P3H1: variants seen among roughly 807,000 people sequenced by gnomAD.
The protein encoded by P3H1 is prolyl 3-hydroxylase 1.
In P3H1, 69 loss-of-function variants were observed where a neutral mutation model predicts 84.0. The ratio of observed to expected loss-of-function variants is 0.82; its 90% CI spans 0.68 to 1.00. The LOEUF (loss-of-function observed/expected upper bound fraction) is 1.00, where lower values mean the gene tolerates loss of function less well. P3H1 is among the 50% of genes least tolerant of loss of function. P3H1 has a pLI of 0.00. For missense variants in P3H1, 878 were observed against 962.8 expected (o/e 0.91, Z 1.17); for synonymous variants, 366 against 388.8 (o/e 0.94, Z 0.69).
chr1:42,752,320 G>A lies in P3H1; in HGVS notation c.1523C>T (p.Thr508Ile). 1 of 1,614,188 alleles carries A rather than the reference G, an allele frequency of 6.2e-7. No homozygotes were observed. The highest frequency in any genetic ancestry group is 8.5e-7 in the Non-Finnish European group (1 of 1,180,038). ...GACACCATAGAACTTTTCATTGGGA[G>A]TATGTGGGGAGGTCTGACCCCGGTA... is the stretch of plus-strand genomic sequence containing the variant. ...DGYRGQTSPH[T>I]PNEKFYGVTV... The change falls in exon 10 of 15, where the codon ACT (threonine) becomes ATT (isoleucine). Residue 508 changes from threonine (T) to isoleucine (I), a missense_variant. Physicochemically the swap from Thr to Ile is moderately conservative, Grantham distance 89. Transcript: ENST00000296388.
rs572987708 is a variant in P3H1 at position 42,751,568 on chromosome 1, A to AAAAT, written c.1569+705_1569+706insATTT. ...AGAAACACCCAAGAATGATCAATAA[A>AAAAT]AAAAAAATAAATAAATAAATAAATA... On this transcript the variant is annotated intron_variant, in intron 10 of 14. Transcript: ENST00000296388. 3.3e-5 allele frequency: 3 copies of AAAAT among 89,734 alleles called. No individual in the cohort carries two copies. The Admixed American group carries it at 3.8e-4, about 11-fold the overall frequency. The allele number at this position is 89,734 out of a possible 1,614,324, so 5.6% of individuals were successfully genotyped here.
intron 1 of P3H1, among the ~76,000 whole-genome samples, chr1:42,763,414 G>A (rs1461927934): frequency 6.6e-6 from 1 of 151,902 alleles, no homozygotes; most frequent in Non-Finnish European, 1.5e-5. Flanking sequence ...GCTCATGCCT[G>A]TAATCCCAGC....
intron 1 of P3H1, among the ~76,000 whole-genome samples, chr1:42,763,672 C>CAAAAAA (rs766034061): frequency 2.4e-5 from 1 of 41,524 alleles, no homozygotes; most frequent in Non-Finnish European, 4.0e-5. Flanking sequence ...ACTCTTGTCT[C>CAAAAAA]AAAAAAAAAA....
chr1:42,755,645 TA>T lies in P3H1; in HGVS notation c.1081-9del. 6.2e-7 allele frequency: 1 copy of T among 1,609,682 alleles called. No individual in the cohort carries two copies. The highest frequency in any genetic ancestry group is 8.5e-7 in the Non-Finnish European group (1 of 1,176,184). On this transcript the variant is annotated splice_polypyrimidine_tract_variant and intron_variant, in intron 5 of 14. Coordinates refer to ENST00000296388, the MANE Select transcript of P3H1 (RefSeq NM_022356.4). Reference sequence around the variant, plus strand: ...TCGGTACTCCTTGGCACTCTGAGGGTAAAAAAGCAAACAAATCCCCCAGAAC... The same window carrying T: ...TCGGTACTCCTTGGCACTCTGAGGGTAAAAAGCAAACAAATCCCCCAGAAC...
At chr1:42,747,459 A>G (rs1651794186) in intron 13 of P3H1, 47 bp from the exon 14 acceptor site, 1 of 1,564,546 alleles carries the variant, frequency 6.4e-7, no homozygotes, top group South Asian at 1.1e-5. Flanking sequence ...CAAAGACTGT[A>G]ATCCACTCTC....
intron 2 of P3H1, chr1:42,760,300 T>C (rs1377540365): frequency 1.3e-5 from 2 of 151,878 alleles, no homozygotes; most frequent in Non-Finnish European, 2.9e-5. Context: ...CTTGCACTTT[T>C]TTGTAGGGCT....
Position 42,754,872 on chromosome 1 carries a change from C to T in P3H1, c.1342G>A (p.Glu448Lys), listed in dbSNP as rs369660042. Residue 448 changes from glutamate to lysine, a missense_variant, in exon 8 of 15, where the codon GAA becomes AAA. Glu to Lys is a moderately conservative substitution (Grantham distance 56). Transcript: ENST00000296388. This position sits in a 1 kb window ranked among gnomAD's most constrained non-coding sequence, Gnocchi z 4.0. Reference sequence around the variant, plus strand: ...GCCCCTATTTCTGTCCTCTCACCTTCCCGGGTCAGTCTGCTCACATCCAGT... The same window carrying T: ...GCCCCTATTTCTGTCCTCTCACCTTTCCGGGTCAGTCTGCTCACATCCAGT... ...ESLDVSRLTREGGPLLYEGIS... is the reference protein window; with the variant it reads ...ESLDVSRLTRKGGPLLYEGIS... 3 of 1,614,198 alleles carry T rather than the reference C, an allele frequency of 1.9e-6. No individual in the cohort carries two copies. Among genetic ancestry groups the T allele is most frequent in the East Asian group, 4.5e-5 (2 of 44,886 alleles).
chr1:42,747,014 G>A (rs1044577340), intron 14 of P3H1, 162 bp from the exon 15 acceptor site: 26 of 1,614,016 alleles, frequency 1.6e-5, no homozygotes, highest in Non-Finnish European at 2.0e-5. Flanking sequence ...CTGAAGTGGG[G>A]CCCAAGGAGG....
chr1:42,750,289 G>T lies in P3H1; in HGVS notation c.1617C>A (p.Tyr539Ter). Residue 539 changes from tyrosine (Y) to a stop codon, truncating the protein, a stop_gained, in exon 11 of 15, where the codon TAC (tyrosine) becomes TAA (stop). Coordinates refer to ENST00000296388, the MANE Select transcript of P3H1 (RefSeq NM_022356.4). LOFTEE classifies it high-confidence loss of function. ...TGCGCCGCACCTTCTCCGTCACGTT[G>T]TAGTACAGGTGGGCACTCTGCAGAG... is the stretch of plus-strand genomic sequence containing the variant. ...KVPLQSAHLY[Y>*]NVTEKVRRIM... is the part of the protein sequence containing the mutation. 1 of 1,614,084 alleles carries T rather than the reference G, an allele frequency of 6.2e-7. No individual in the cohort carries two copies. The highest frequency in any genetic ancestry group is 8.5e-7 in the Non-Finnish European group (1 of 1,180,012).
chr1:42,761,902 A>G (rs1652738538), intron 2 of P3H1: 1 of 206,240 alleles, frequency 4.8e-6, no homozygotes, highest in Non-Finnish European at 9.9e-6. Context: ...AATAAAAAAG[A>G]TGATAAAAAA....
At chr1:42,755,103 T>C in intron 7 of P3H1, 62 bp downstream of exon 7, 1 of 1,612,916 alleles carries the variant, frequency 6.2e-7, no homozygotes, top group Non-Finnish European at 8.5e-7. Flanking sequence ...CTGCCTGGGC[T>C]CAGGAAGCCT....
chr1:42,749,166 A>G (rs1651895705), intron 11 of P3H1, among the ~76,000 whole-genome samples: 1 of 152,266 alleles, frequency 6.6e-6, no homozygotes, highest in Non-Finnish European at 1.5e-5. Context: ...TCACTGCTTG[A>G]TGAGGCCTCC....
Position 42,754,673 on chromosome 1 carries a change from G to A in P3H1, c.1345+196C>T, listed in dbSNP as rs376437302. On this transcript the variant is annotated intron_variant, in intron 8 of 14. Transcript: ENST00000296388. The surrounding 1 kb of genome is among the most constrained non-coding windows in gnomAD (Gnocchi z 4.0). ...CTGGAGTCTGATTTCTGAGCCAAAGGCTGATTCTCAGTGCTCTTTCCAGCT... is the reference window on the plus strand; with the variant it reads ...CTGGAGTCTGATTTCTGAGCCAAAGACTGATTCTCAGTGCTCTTTCCAGCT... Among the ~76,000 whole-genome samples the A allele has an allele frequency of 2.6e-5, 4 of 152,256 alleles. No homozygotes were observed. The highest frequency in any genetic ancestry group is 7.2e-5 in the African/African-American group (3 of 41,544).
Position 42,747,383 on chromosome 1 carries a change from G to C in P3H1, c.1944C>G (p.Ala648=), listed in dbSNP as rs760909376. 5 of 1,610,928 alleles carry C rather than the reference G, an allele frequency of 3.1e-6. No individual in the cohort carries two copies. The highest frequency in any genetic ancestry group is 4.2e-6 in the Non-Finnish European group (5 of 1,178,696). ...TTTCAGTGCCTGAAGAGAATCCCAC[G>C]GCTCTTCCACACTGAGGCTGCACCT... ...TAEVQPQCGR[A]VGFSSGTENP... The change falls in exon 14 of 15, where the codon GCC becomes GCG. Residue 648 remains alanine (A), a synonymous_variant. Transcript: ENST00000296388.
intron 6 of P3H1, 141 bp from the exon 7 acceptor site, chr1:42,755,358 A>G: frequency 1.0e-6 from 1 of 972,824 alleles, no homozygotes; most frequent in South Asian, 1.4e-5. Flanking sequence ...AGGTTTCCAC[A>G]TCTAAGTCCC....
Position 42,747,324 on chromosome 1 carries a change from T to G in P3H1, c.2003A>C (p.Gln668Pro). The change falls in exon 14 of 15, where the codon CAG becomes CCG. Residue 668 changes from glutamine (Q) to proline (P), a missense_variant. Transcript: ENST00000296388. ...PHGVKAVTRG[Q>P]RCAIALWFTL... ...GAACCACAGGGCGATGGCACAGCGC[T>G]GCCCCCTGGTGACAGCCTTCACTCC... 6.2e-7 allele frequency: 1 copy of G among 1,611,068 alleles called. No individual in the cohort carries two copies. Among genetic ancestry groups the G allele is most frequent in the Non-Finnish European group, 8.5e-7 (1 of 1,177,824 alleles).
intron 1 of P3H1, among the ~76,000 whole-genome samples, chr1:42,765,951 CT>C (rs1184759611): frequency 6.6e-6 from 1 of 151,744 alleles, no homozygotes; most frequent in Non-Finnish European, 1.5e-5. Context: ...ACATGGCACT[CT>C]GGCATTCCGA....
At chr1:42,749,212 C>A (rs143347323) in intron 11 of P3H1, among the ~76,000 whole-genome samples, 2 of 152,378 alleles carry the variant, frequency 1.3e-5, no homozygotes, top group African/African-American at 4.8e-5. Context: ...GCTCTCCCAC[C>A]GGGGGCTTGT....
At chr1:42,757,993 A>T in intron 4 of P3H1, 71 bp from the exon 5 acceptor site, 1 of 1,407,600 alleles carries the variant, frequency 7.1e-7, no homozygotes. Context: ...AGCACCAGGG[A>T]CCACTTAGTG....
Sources: allele counts gnomAD v4.1 joint callset (sites outside exome capture counted in the v4.1 genomes callset), GRCh38; gene constraint gnomAD v4.1.1; non-coding constraint Gnocchi (gnomAD v3.1); transcripts MANE v1.5; gene names NCBI Gene and HGNC (gene_info 2026-07-23, HGNC 2026-07-21).